The following PCNT variants were observed in gnomAD, a reference collection of about 807,000 sequenced individuals.
PCNT encodes kendrin.
PCNT carries 319 observed loss-of-function variants against 380.4 expected under a neutral mutation model. The observed-to-expected ratio is 0.84, with a 90% confidence interval of 0.77 to 0.92. The LOEUF (loss-of-function observed/expected upper bound fraction) is 0.92, where lower values mean the gene tolerates loss of function less well. Among genes scored for constraint, PCNT ranks in the 40% least tolerant of loss-of-function variants. PCNT has a pLI of 0.00. For missense variants in PCNT, 4,400 were observed against 4,255.3 expected, an observed-to-expected ratio of 1.03 and a Z score of -0.95; for synonymous variants, 1,845 against 1,735.2, an observed-to-expected ratio of 1.06 and a Z score of -1.57.
rs567733982 is a variant in PCNT at position 46,384,868 on chromosome 21, C to G, written c.3313-964C>G. On this transcript the variant is annotated intron_variant, in intron 16 of 46. Coordinates refer to ENST00000359568, the MANE Select transcript of PCNT (RefSeq NM_006031.6). ...GCGTTCAGTGGCAGAAGTGCATTCACAGTGTTGTGCATAGTTCAGTGGTGC... is the reference window on the plus strand; with the variant it reads ...GCGTTCAGTGGCAGAAGTGCATTCAGAGTGTTGTGCATAGTTCAGTGGTGC... 1.6e-3 allele frequency among the ~76,000 whole-genome samples: 237 copies of G among 152,218 alleles called. 7 individuals carry two copies. The South Asian group carries it at 0.047, about 30-fold the overall frequency.
intron 3 of PCNT, among the ~76,000 whole-genome samples, chr21:46,340,373 A>G (rs933846239): frequency 2.6e-5 from 4 of 152,152 alleles, no homozygotes; most frequent in African/African-American, 7.2e-5. Flanking sequence ...AGCTCAGCCC[A>G]CTTTTGTGCT....
At position 46,413,006 on chromosome 21, in the gene PCNT, G is replaced by A. The variant is rs2086842912; in HGVS notation, c.6150+14G>A. On this transcript the variant is annotated intron_variant, in intron 29 of 46. Coordinates refer to ENST00000359568, the MANE Select transcript of PCNT (RefSeq NM_006031.6). ...GACGGCGGCAAGGTGTGGGGAGGGG[G>A]GAAGGCGCGAGGTCCCCCCGGGAGA... 6.2e-7 allele frequency: 1 copy of A among 1,604,894 alleles called. No individual in the cohort carries two copies. The highest frequency in any genetic ancestry group is 8.5e-7 in the Non-Finnish European group (1 of 1,179,626).
intron 2 of PCNT, among the ~76,000 whole-genome samples, chr21:46,327,347 C>T (rs1162817954): frequency 6.6e-6 from 1 of 152,110 alleles, no homozygotes; most frequent in Non-Finnish European, 1.5e-5. Flanking sequence ...GCATGAGCCA[C>T]CGTGCCCGGC....
rs1306232304 is a variant in PCNT at position 46,427,630 on chromosome 21, C to T, written c.7329C>T (p.Pro2443=). Reference sequence around the variant, plus strand: ...CTTCCTTCTTCCTTTAGGAAGTGCCCACCGCGTGCCCCGATTGGAGAGGGG... The same window carrying T: ...CTTCCTTCTTCCTTTAGGAAGTGCCTACCGCGTGCCCCGATTGGAGAGGGG... ...SLHGGKTQEV[P]TACPDWRGDL... Residue 2443 remains proline, a synonymous_variant, in exon 34 of 47, where the codon CCC becomes CCT. Coordinates refer to ENST00000359568, the MANE Select transcript of PCNT (RefSeq NM_006031.6). 1 of 1,613,920 alleles carries T rather than the reference C, an allele frequency of 6.2e-7. No homozygotes were observed. Among genetic ancestry groups the T allele is most frequent in the Admixed American group, 1.7e-5 (1 of 60,020 alleles).
rs1381001871 is a variant in PCNT at position 46,391,146 on chromosome 21, T to A, written c.4004-18T>A. On this transcript the variant is annotated intron_variant, in intron 20 of 46. Coordinates refer to ENST00000359568, the MANE Select transcript of PCNT (RefSeq NM_006031.6). ...ACCCAGGACTGGCTTTGTCAGAGCA[T>A]CTGTGTCTCCCACAAAGGTACCCTT... The A allele has an allele frequency of 1.3e-6, 2 of 1,562,140 alleles. No individual in the cohort carries two copies. The highest frequency in any genetic ancestry group is 3.8e-5 in the Admixed American group (2 of 52,122).
chr21:46,440,144 C>T lies in PCNT; in HGVS notation c.9335C>T (p.Pro3112Leu), dbSNP rs756490552. The T allele has an allele frequency of 6.2e-7, 1 of 1,614,116 alleles. No individual in the cohort carries two copies. Among genetic ancestry groups the T allele is most frequent in the Non-Finnish European group, 8.5e-7 (1 of 1,179,998 alleles). Residue 3112 changes from proline to leucine, a missense_variant, in exon 42 of 47, where the codon CCA (proline) becomes CTA (leucine). Physicochemically the swap from Pro to Leu is moderately conservative, Grantham distance 98. Coordinates refer to ENST00000359568, the MANE Select transcript of PCNT (RefSeq NM_006031.6). Reference sequence around the variant, plus strand: ...GCTCCACAGAGTTCCCTGAGGCGCCCAGACCCCGGCCGGCTTCCACCAGCT... The same window carrying T: ...GCTCCACAGAGTTCCCTGAGGCGCCTAGACCCCGGCCGGCTTCCACCAGCT... The part of the protein sequence containing the change: ...ETAPQSSLRR[P>L]DPGRLPPAAS...
intron 30 of PCNT, among the ~76,000 whole-genome samples, chr21:46,417,715 A>AAG (rs2087088284): frequency 6.6e-6 from 1 of 152,028 alleles, no homozygotes; most frequent in East Asian, 1.9e-4. Context: ...AGGCTGGGTA[A>AAG]CACGGTGAGA....
In PCNT at chr21:46,398,014, G is replaced by A. The variant is rs1462749408; in HGVS notation, c.4447G>A (p.Glu1483Lys). The change falls in exon 23 of 47, where the codon GAG becomes AAG. Residue 1483 changes from glutamate to lysine, a missense_variant and splice_region_variant. Glu to Lys is a moderately conservative substitution (Grantham distance 56, BLOSUM62 1). Transcript: ENST00000359568. ...CCCAACACGCTGCCTCTCCTCCCAGGAGCAGGCAGCCGAGCGGGAGCACGA... is the reference window on the plus strand; with the variant it reads ...CCCAACACGCTGCCTCTCCTCCCAGAAGCAGGCAGCCGAGCGGGAGCACGA... ...HLRNQRQFMD[E>K]QAAEREHERE... 14 of 1,580,874 alleles carry A rather than the reference G, an allele frequency of 8.9e-6. No individual in the cohort carries two copies. Among genetic ancestry groups the A allele is most frequent in the Non-Finnish European group, 1.2e-5 (14 of 1,165,340 alleles).
At chr21:46,412,137 C>T in intron 28 of PCNT, 70 bp downstream of exon 28, 1 of 1,525,862 alleles carries the variant, frequency 6.6e-7, no homozygotes. Flanking sequence ...ATGTCAATGA[C>T]TTCTCTCTGC....
intron 8 of PCNT, 40 bp downstream of exon 8, chr21:46,349,860 G>C (rs2084203834): frequency 6.2e-7 from 1 of 1,601,376 alleles, no homozygotes; most frequent in African/African-American, 1.3e-5. Context: ...TGGTATATTA[G>C]GGAAGTTTTA....
intron 13 of PCNT, among the ~76,000 whole-genome samples, chr21:46,358,167 A>G (rs541011216): frequency 7.2e-4 from 110 of 152,104 alleles, no homozygotes; most frequent in South Asian, 1.5e-3. Flanking sequence ...GTGGAGTTCA[A>G]GTGAACCGAC....
rs374877034 is a variant in PCNT, at chr21:46,363,665, C to T, written c.2340C>T (p.Ser780=). 1.4e-5 allele frequency: 22 copies of T among 1,614,196 alleles called. No individual in the cohort carries two copies. Among genetic ancestry groups the T allele is most frequent in the East Asian group, 4.5e-5 (2 of 44,886 alleles). The part of the protein sequence containing the change: ...MLLELREKAE[S]EKQTIINKFE... ...TTGAACTGAGAGAAAAGGCTGAATC[C>T]GAGAAACAGACCATCATAAACAAGT... is the stretch of plus-strand genomic sequence containing the variant. The change falls in exon 14 of 47, where the codon TCC becomes TCT. Residue 780 remains serine, a synonymous_variant. Coordinates refer to ENST00000359568, the MANE Select transcript of PCNT (RefSeq NM_006031.6).
intron 27 of PCNT, among the ~76,000 whole-genome samples, chr21:46,404,102 C>T (rs1321322684): frequency 8.9e-5 from 10 of 112,332 alleles, no homozygotes; most frequent in Non-Finnish European, 1.5e-4. Flanking sequence ...GCCCACGCGG[C>T]GCGTGCTCGG....
Position 46,437,078 on chromosome 21 carries a change from C to T in PCNT, c.9096C>T (p.Ser3032=). 6.2e-7 allele frequency: 1 copy of T among 1,612,458 alleles called. No individual in the cohort carries two copies. Among genetic ancestry groups the T allele is most frequent in the East Asian group, 2.2e-5 (1 of 44,880 alleles). The change falls in exon 40 of 47, where the codon TCC becomes TCT. Residue 3032 remains serine, a synonymous_variant. Transcript: ENST00000359568. ...LKSDLSRPTS[S]QKKMAAELQF... is the part of the protein sequence containing the mutation. ...CTGACTTGAGCAGGCCCACCTCCTCCCAGGTAAGGGGTGAGCGCCCCCAGG... is the reference window on the plus strand; with the variant it reads ...CTGACTTGAGCAGGCCCACCTCCTCTCAGGTAAGGGGTGAGCGCCCCCAGG...
At chr21:46,338,923 G>A (rs1330489888) in intron 3 of PCNT, among the ~76,000 whole-genome samples, 1 of 152,150 alleles carries the variant, frequency 6.6e-6, no homozygotes, top group African/African-American at 2.4e-5. Flanking sequence ...TGGGATTACA[G>A]GTGCATGCCA....
Position 46,425,903 on chromosome 21 carries a change from G to A in PCNT, c.7252G>A (p.Gly2418Ser), listed in dbSNP as rs201389292. The change falls in exon 33 of 47, where the codon GGC becomes AGC. Residue 2418 changes from glycine (G) to serine (S), a missense_variant. By Grantham distance (56) the Gly-to-Ser change is moderately conservative (BLOSUM62 0). Coordinates refer to ENST00000359568, the MANE Select transcript of PCNT (RefSeq NM_006031.6). The surrounding 1 kb of genome is among the most constrained non-coding windows in gnomAD (Gnocchi z 4.2). ...GTCAGAAGGCCTTGCACCCCCAAGC[G>A]GCGAGCCACACCCACCCCGGAAGGA... ...ALSEGLAPPS[G>S]EPHPPRKEDE... 2.3e-5 allele frequency: 37 copies of A among 1,613,738 alleles called. No homozygotes were observed. The highest frequency in any genetic ancestry group is 5.5e-5 in the South Asian group (5 of 91,076).
intron 13 of PCNT, among the ~76,000 whole-genome samples, chr21:46,358,177 C>T (rs576104526): frequency 2.6e-5 from 4 of 152,340 alleles, no homozygotes; most frequent in South Asian, 2.1e-4. Flanking sequence ...AGTGAACCGA[C>T]GGGGCAGCTC....
intron 28 of PCNT, 93 bp from the exon 29 acceptor site, chr21:46,412,744 C>T: frequency 7.5e-7 from 1 of 1,337,684 alleles, no homozygotes; most frequent in Non-Finnish European, 1.1e-6. Flanking sequence ...TCCCTGCTGG[C>T]TGCCGTACTG....
chr21:46,410,617 G>GT (rs2086754933), intron 27 of PCNT, among the ~76,000 whole-genome samples: 1 of 152,250 alleles, frequency 6.6e-6, no homozygotes, highest in Admixed American at 6.5e-5. Flanking sequence ...GGAAACAATC[G>GT]TATTTCCTTA....
Sources: gnomAD v4.1 joint callset for allele counts (sites outside exome capture counted in the v4.1 genomes callset) on GRCh38, gnomAD v4.1.1 for gene constraint, Gnocchi (gnomAD v3.1) non-coding constraint, MANE v1.5 for transcripts, NCBI Gene and HGNC (gene_info 2026-07-23, HGNC 2026-07-21) for gene names.